PCDH15: variants seen among roughly 807,000 people sequenced by gnomAD.
The protein encoded by PCDH15 is protocadherin related 15.
A neutral mutation model predicts 178.5 loss-of-function variants in PCDH15; 129 were observed. That is an observed-to-expected ratio of 0.72 (90% CI 0.63 to 0.84). The LOEUF (loss-of-function observed/expected upper bound fraction) is 0.84. PCDH15 is among the 40% of genes least tolerant of loss of function. The pLI, the probability that PCDH15 is intolerant of heterozygous loss-of-function variation, is 0.00. For synonymous variants in PCDH15, 800 were observed against 732.0 expected (o/e 1.09, Z -1.50); for missense variants, 2,230 against 2,099.9 (o/e 1.06, Z -1.21).
intron 2 of PCDH15, among the ~76,000 whole-genome samples, chr10:55,134,739 C>A (rs770940896): frequency 6.6e-6 from 1 of 152,186 alleles, no homozygotes; most frequent in Non-Finnish European, 1.5e-5. Context: ...GGGACTTAAT[C>A]TCAACAGTTC....
intron 7 of PCDH15, among the ~76,000 whole-genome samples, chr10:54,320,564 G>A (rs11004231): frequency 0.66 from 99,841 of 151,660 alleles, 33,702 homozygotes; most frequent in Middle Eastern, 0.81. Context: ...TTTAAAATAA[G>A]CGTATGTGTA....
Position 54,194,760 on chromosome 10 carries a change from T to C in PCDH15, c.1305+923A>G, listed in dbSNP as rs547984888. Among the ~76,000 whole-genome samples, 21 of 151,644 alleles carry C rather than the reference T, an allele frequency of 1.4e-4. No homozygotes were observed. In the East Asian group the frequency reaches 3.3e-3, roughly 24 times the overall value. On this transcript the variant is annotated intron_variant, in intron 11 of 37. Transcript: ENST00000644397. The stretch of plus-strand genomic sequence containing the variant: ...TCTATCTATATATATACACAAAACA[T>C]ATGTATACATATTTATGCAGTGAGG...
intron 5 of PCDH15, among the ~76,000 whole-genome samples, chr10:54,365,551 G>C (rs1390590190): frequency 2.0e-5 from 3 of 151,980 alleles, no homozygotes; most frequent in Admixed American, 6.6e-5. Context: ...ACATGACCAA[G>C]AAAACATTAT....
At chr10:54,785,491 C>T (rs903023541) in intron 1 of PCDH15, among the ~76,000 whole-genome samples, 1 of 152,032 alleles carries the variant, frequency 6.6e-6, no homozygotes, top group Non-Finnish European at 1.5e-5. Context: ...TTATCCCTTG[C>T]ATACCTTTGA....
intron 25 of PCDH15, among the ~76,000 whole-genome samples, chr10:53,925,476 C>T (rs146277504): frequency 2.4e-3 from 360 of 152,332 alleles, no homozygotes; most frequent in Non-Finnish European, 4.2e-3. Flanking sequence ...ACACTCACCG[C>T]GAGGGTCCGC....
At chr10:54,296,121 G>A (rs1476234288) in intron 8 of PCDH15, among the ~76,000 whole-genome samples, 1 of 127,444 alleles carries the variant, frequency 7.8e-6, no homozygotes, top group Non-Finnish European at 1.6e-5. Context: ...CTCCAGCCTG[G>A]GCGACAGAGC....
At chr10:55,115,764 A>G (rs960181845) in intron 2 of PCDH15, among the ~76,000 whole-genome samples, 9 of 152,142 alleles carry the variant, frequency 5.9e-5, no homozygotes, top group Admixed American at 2.0e-4. Context: ...CCTTTTCTAG[A>G]TTTCAAAATA....
At chr10:53,862,607 A>G (rs1475970502) in intron 27 of PCDH15, among the ~76,000 whole-genome samples, 5 of 152,102 alleles carry the variant, frequency 3.3e-5, no homozygotes, top group African/African-American at 1.2e-4. Context: ...AAGCTTCAGT[A>G]TTATCATTAG....
chr10:53,809,636 G>T, intron 37 of PCDH15: 1 of 1,230,452 alleles, frequency 8.1e-7, no homozygotes, highest in Non-Finnish European at 1.1e-6. Flanking sequence ...GAATGAATCT[G>T]TGGGTGATAG....
intron 1 of PCDH15, among the ~76,000 whole-genome samples, chr10:54,795,862 T>C (rs1951897819): frequency 6.6e-6 from 1 of 152,054 alleles, no homozygotes; most frequent in East Asian, 1.9e-4. Flanking sequence ...ACCTAAATAA[T>C]TATGTTGATG....
At chr10:55,147,810 C>A (rs1210011837) in intron 2 of PCDH15, among the ~76,000 whole-genome samples, 2 of 126,298 alleles carry the variant, frequency 1.6e-5, no homozygotes, top group Admixed American at 8.9e-5. Flanking sequence ...TTCTTATGTT[C>A]CTCCTCCTTC....
intron 1 of PCDH15, among the ~76,000 whole-genome samples, chr10:55,260,848 G>A (rs558750596): frequency 1.5e-4 from 23 of 152,114 alleles, no homozygotes; most frequent in Non-Finnish European, 3.2e-4. Context: ...AATGTGAAAT[G>A]TGGAAAGACA....
chr10:54,989,114 T>C (rs796821892), intron 2 of PCDH15, among the ~76,000 whole-genome samples: 1 of 152,114 alleles, frequency 6.6e-6, no homozygotes, highest in African/African-American at 2.4e-5. Flanking sequence ...TTCCCTGTGG[T>C]GTTGTGCCTT....
At chr10:53,897,157 T>C (rs536019562) in intron 26 of PCDH15, among the ~76,000 whole-genome samples, 11 of 149,474 alleles carry the variant, frequency 7.4e-5, no homozygotes, top group African/African-American at 2.7e-4. Context: ...GGACTCAGAA[T>C]TGTGGGGAGG....
At chr10:54,453,254 C>G (rs180804466) in intron 3 of PCDH15, among the ~76,000 whole-genome samples, 1 of 152,084 alleles carries the variant, frequency 6.6e-6, no homozygotes, top group Non-Finnish European at 1.5e-5. Flanking sequence ...TGGAACCAAC[C>G]CAAATGTCCA....
intron 2 of PCDH15, among the ~76,000 whole-genome samples, chr10:55,599,059 C>T (rs1243164552): frequency 1.3e-5 from 2 of 152,124 alleles, no homozygotes; most frequent in East Asian, 3.9e-4. Flanking sequence ...GATATAGTAC[C>T]GTAAGGGAAC....
At chr10:54,300,655 G>C (rs895683436) in intron 8 of PCDH15, among the ~76,000 whole-genome samples, 1 of 152,158 alleles carries the variant, frequency 6.6e-6, no homozygotes, top group East Asian at 1.9e-4. Flanking sequence ...GGGTCGGATG[G>C]GGGCTTGGAG....
At chr10:55,452,909 T>C (rs1475141637) in intron 2 of PCDH15, among the ~76,000 whole-genome samples, 1 of 152,122 alleles carries the variant, frequency 6.6e-6, no homozygotes, top group Non-Finnish European at 1.5e-5. Flanking sequence ...AAATATTAAA[T>C]GCAGAGTAGG....
chr10:55,314,037 A>G (rs761215360), intron 1 of PCDH15, among the ~76,000 whole-genome samples: 31 of 151,922 alleles, frequency 2.0e-4, no homozygotes, highest in Non-Finnish European at 4.3e-4. Context: ...TTAAGTTTAA[A>G]TTATTGAATG....
Sources: allele counts gnomAD v4.1 joint callset (sites outside exome capture counted in the v4.1 genomes callset), GRCh38; gene constraint gnomAD v4.1.1; transcripts MANE v1.5; gene names NCBI Gene and HGNC (gene_info 2026-07-23, HGNC 2026-07-21).